NKAIN2: variants seen among roughly 807,000 people sequenced by gnomAD.
NKAIN2 encodes the protein sodium/potassium-transporting ATPase subunit beta-1-interacting protein 2.
A neutral mutation model predicts 32.6 loss-of-function variants in NKAIN2; 14 were observed. That is an observed-to-expected ratio of 0.43 (90% confidence interval 0.28 to 0.67). The LOEUF is 0.67. Ranked by LOEUF, NKAIN2 falls within the 30% of genes least tolerant of loss-of-function variation. The pLI, the probability that NKAIN2 is intolerant of heterozygous loss-of-function variation, is 0.17. For missense variants in NKAIN2, 198 were observed against 258.3 expected, an observed-to-expected ratio of 0.77 and a Z score of 1.60; for synonymous variants, 80 against 87.2, an observed-to-expected ratio of 0.92 and a Z score of 0.46.
chr6:124,416,491 T>A (rs558971451), intron 3 of NKAIN2, among the ~76,000 whole-genome samples: 8 of 152,086 alleles, frequency 5.3e-5, no homozygotes, highest in African/African-American at 1.7e-4. Context: ...AAATAAAAAT[T>A]AGCCAAGCGT....
At chr6:124,038,024 GA>G (rs1290726518) in intron 1 of NKAIN2, among the ~76,000 whole-genome samples, 1 of 152,108 alleles carries the variant, frequency 6.6e-6, no homozygotes, top group African/African-American at 2.4e-5. Flanking sequence ...AGGGTCATAT[GA>G]ATTCCGTAAG....
intron 1 of NKAIN2, among the ~76,000 whole-genome samples, chr6:124,264,916 A>C (rs544469941): frequency 9.5e-4 from 145 of 152,302 alleles, no homozygotes; most frequent in African/African-American, 3.5e-3. Context: ...TCTAGGTATA[A>C]GTCATTTACA....
chr6:123,822,759 C>T (rs1773978179), intron 1 of NKAIN2, among the ~76,000 whole-genome samples: 1 of 152,092 alleles, frequency 6.6e-6, no homozygotes, highest in East Asian at 1.9e-4. Flanking sequence ...ATCCTGTCTC[C>T]AAAATTCCTG....
At chr6:124,062,112 C>T (rs181453188) in intron 1 of NKAIN2, among the ~76,000 whole-genome samples, 46 of 152,142 alleles carry the variant, frequency 3.0e-4, no homozygotes, top group African/African-American at 1.1e-3. Context: ...TACAATGATA[C>T]GTAAATATAA....
intron 2 of NKAIN2, among the ~76,000 whole-genome samples, chr6:124,303,741 T>C (rs972837709): frequency 2.0e-5 from 3 of 152,164 alleles, no homozygotes; most frequent in Non-Finnish European, 2.9e-5. Context: ...TATAAAGGGT[T>C]AATAAAAGGG....
At chr6:124,392,034 T>C (rs1773165397) in intron 3 of NKAIN2, among the ~76,000 whole-genome samples, 1 of 152,226 alleles carries the variant, frequency 6.6e-6, no homozygotes, top group Non-Finnish European at 1.5e-5. Context: ...TCTATGCTTC[T>C]TTATACAGGC....
intron 1 of NKAIN2, among the ~76,000 whole-genome samples, chr6:123,941,246 G>A (rs1475207968): frequency 6.6e-6 from 1 of 151,484 alleles, no homozygotes; most frequent in African/African-American, 2.4e-5. Flanking sequence ...TCTTCCTGAA[G>A]GACTGCTTGA....
intron 1 of NKAIN2, among the ~76,000 whole-genome samples, chr6:123,911,885 G>T (rs1324006694): frequency 7.1e-6 from 1 of 140,220 alleles, no homozygotes; most frequent in East Asian, 2.1e-4. Flanking sequence ...ACCCCCAAGG[G>T]CATATTTTCA....
At chr6:124,122,128 C>T (rs534459390) in intron 1 of NKAIN2, among the ~76,000 whole-genome samples, 1 of 152,012 alleles carries the variant, frequency 6.6e-6, no homozygotes, top group South Asian at 2.1e-4. Context: ...GTATTGAAGA[C>T]AACTTGGAAA....
chr6:124,102,066 A>G (rs929809609), intron 1 of NKAIN2, among the ~76,000 whole-genome samples: 2 of 152,200 alleles, frequency 1.3e-5, no homozygotes, highest in Non-Finnish European at 2.9e-5. Context: ...ACCAGATCGA[A>G]CTTCAAGGAA....
intron 1 of NKAIN2, among the ~76,000 whole-genome samples, chr6:123,934,460 C>T (rs1192633058): frequency 6.6e-6 from 1 of 152,020 alleles, no homozygotes; most frequent in Non-Finnish European, 1.5e-5. Context: ...TCCTTTTCCT[C>T]AGTTTTTATA....
At chr6:124,171,425 G>A (rs1183236541) in intron 1 of NKAIN2, among the ~76,000 whole-genome samples, 2 of 151,778 alleles carry the variant, frequency 1.3e-5, no homozygotes, top group Non-Finnish European at 2.9e-5. Context: ...CAGTTTATTC[G>A]GATCCATTCT....
chr6:124,271,508 A>C (rs907907953), intron 1 of NKAIN2, among the ~76,000 whole-genome samples: 9 of 152,028 alleles, frequency 5.9e-5, no homozygotes, highest in African/African-American at 2.2e-4. Context: ...GAGCCACCAT[A>C]CCCGGCCTAA....
intron 4 of NKAIN2, among the ~76,000 whole-genome samples, chr6:124,710,024 T>C (rs1379549441): frequency 6.6e-6 from 1 of 152,182 alleles, no homozygotes; most frequent in African/African-American, 2.4e-5. Flanking sequence ...GATTCTGGTA[T>C]GTTGTGTCTT....
intron 2 of NKAIN2, among the ~76,000 whole-genome samples, chr6:124,288,905 C>T (rs190400435): frequency 6.6e-6 from 1 of 152,108 alleles, no homozygotes; most frequent in East Asian, 1.9e-4. Flanking sequence ...TTCTATGACA[C>T]CAAGTTAGAC....
intron 2 of NKAIN2, among the ~76,000 whole-genome samples, chr6:124,326,878 C>A (rs1189803543): frequency 1.3e-5 from 2 of 152,100 alleles, no homozygotes; most frequent in African/African-American, 4.8e-5. Context: ...CCCATTCTTC[C>A]CTCTCCCAGC....
chr6:124,291,037 C>T (rs1033090363), intron 2 of NKAIN2, among the ~76,000 whole-genome samples: 3 of 152,120 alleles, frequency 2.0e-5, no homozygotes, highest in African/African-American at 7.2e-5. Flanking sequence ...TGATATTCTA[C>T]AAACAACTTC....
At chr6:124,137,179 T>C (rs756679940) in intron 1 of NKAIN2, among the ~76,000 whole-genome samples, 3 of 152,112 alleles carry the variant, frequency 2.0e-5, no homozygotes, top group Non-Finnish European at 4.4e-5. Flanking sequence ...ACAAAGTCAA[T>C]GTAGACAAAT....
At chr6:124,814,259 A>G (rs1169976948) in intron 5 of NKAIN2, among the ~76,000 whole-genome samples, 2 of 152,136 alleles carry the variant, frequency 1.3e-5, no homozygotes, top group Non-Finnish European at 2.9e-5. Flanking sequence ...AGACATCCAA[A>G]CAATTTCTGA....
Sources: gnomAD v4.1 joint callset for allele counts (sites outside exome capture counted in the v4.1 genomes callset) on GRCh38, gnomAD v4.1.1 for gene constraint, MANE v1.5 for transcripts, NCBI Gene and HGNC (gene_info 2026-07-23, HGNC 2026-07-21) for gene names.